The following INSC variants were observed in gnomAD, a reference collection of about 807,000 sequenced individuals.
The protein encoded by INSC is INSC spindle orientation adaptor protein.
INSC carries 67 observed loss-of-function variants against 58.6 expected under a neutral mutation model. The ratio of observed to expected loss-of-function variants is 1.14; its 90% CI spans 0.94 to 1.40. The LOEUF is 1.40. Among genes scored for constraint, INSC ranks in the 40% most tolerant of loss-of-function variants. The probability of loss-of-function intolerance (pLI) is 0.00; values close to 1 mark genes in which losing one functional copy is unlikely to be tolerated. For missense variants in INSC, 714 were observed against 692.0 expected (o/e 1.03, Z -0.36); for synonymous variants, 262 against 276.1 (o/e 0.95, Z 0.51).
Position 15,168,479 on chromosome 11 carries a change from A to T in INSC, c.57-7262A>T, listed in dbSNP as rs1475452727. ...GGTGCTCAATGCATGGGATATGCTC[A>T]ATAAATTCCAGTCATTATTATATTT... is the stretch of plus-strand genomic sequence containing the variant. On this transcript the variant is annotated intron_variant, in intron 2 of 12. Transcript: ENST00000379556. Among the ~76,000 whole-genome samples the T allele has an allele frequency of 2.5e-4, 38 of 152,318 alleles. 1 individual carries two copies. The highest frequency in any genetic ancestry group is 2.5e-3 in the Admixed American group (38 of 15,306).
chr11:15,192,234 G>A (rs886320666), intron 6 of INSC, among the ~76,000 whole-genome samples: 3 of 152,208 alleles, frequency 2.0e-5, no homozygotes, highest in African/African-American at 7.2e-5. Flanking sequence ...GCCATGGGCT[G>A]GGGTGGTTGT....
chr11:15,162,995 C>T (rs1433846088), intron 2 of INSC, among the ~76,000 whole-genome samples: 1 of 152,214 alleles, frequency 6.6e-6, no homozygotes, highest in East Asian at 1.9e-4. Flanking sequence ...TCTTCACTCT[C>T]TCTCATTCAT....
upstream of INSC, chr11:15,112,606 G>GTA (rs1488899320): frequency 3.0e-6 from 2 of 662,226 alleles, no homozygotes; most frequent in Admixed American, 4.6e-5. Flanking sequence ...GTGTGTGTGT[G>GTA]TGTGTGTGTG....
intron 2 of INSC, among the ~76,000 whole-genome samples, chr11:15,154,087 ATTTATGTATATGTCATC>A (rs991207656): frequency 6.6e-5 from 10 of 152,324 alleles, no homozygotes; most frequent in African/African-American, 2.4e-4. Flanking sequence ...GCCAATAACA[ATTTATGTATATGTCATC>A]TTTTCTGCTC....
intron 7 of INSC, among the ~76,000 whole-genome samples, chr11:15,203,183 C>T (rs1850662869): frequency 6.6e-6 from 1 of 151,136 alleles, no homozygotes; most frequent in African/African-American, 2.4e-5. Flanking sequence ...CATAGTACAG[C>T]ACCCCTGTGT....
intron 11 of INSC, 43 bp from the exon 12 acceptor site, chr11:15,240,404 G>C (rs953549199): frequency 6.4e-7 from 1 of 1,558,876 alleles, no homozygotes; most frequent in Non-Finnish European, 8.8e-7. Context: ...AGGCCTGGCT[G>C]GGCCCTGTCC....
chr11:15,268,639 A>C, the INSC span, among the ~76,000 whole-genome samples: 3 of 152,226 alleles, frequency 2.0e-5, no homozygotes, highest in African/African-American at 7.2e-5. Flanking sequence ...TGGAAGAAAC[A>C]ATGCTGCTGA....
intron 9 of INSC, among the ~76,000 whole-genome samples, chr11:15,233,044 C>T (rs551363285): frequency 6.6e-6 from 1 of 152,160 alleles, no homozygotes; most frequent in Non-Finnish European, 1.5e-5. Context: ...AATGAATACA[C>T]CAAGCCACAG....
At chr11:15,115,103 G>A in intron 1 of INSC, 100 bp downstream of exon 1, 2 of 777,036 alleles carry the variant, frequency 2.6e-6, no homozygotes, top group Non-Finnish European at 3.1e-6. Flanking sequence ...GATAGTAGGT[G>A]TAAGTGTGTC....
intron 7 of INSC, among the ~76,000 whole-genome samples, chr11:15,204,799 G>A (rs973493693): frequency 1.3e-5 from 2 of 152,188 alleles, no homozygotes; most frequent in African/African-American, 2.4e-5. Flanking sequence ...ACTGAGGTTC[G>A]CTTAATTAAT....
At chr11:15,121,074 G>A (rs1473368502) in intron 1 of INSC, among the ~76,000 whole-genome samples, 3 of 150,980 alleles carry the variant, frequency 2.0e-5, no homozygotes, top group Admixed American at 2.0e-4. Flanking sequence ...CATTGAAAAT[G>A]TTTATGTTTC....
rs752692735 is a variant in INSC at position 15,240,455 on chromosome 11, C to T, written c.1402C>T (p.Arg468Cys). The change falls in exon 12 of 13, where the codon CGT becomes TGT. Residue 468 changes from arginine (R) to cysteine (C), a missense_variant. Transcript: ENST00000379556. Reference sequence around the variant, plus strand: ...CCCTGTGTCTCCTACAGGCATGTCCCGTCTCATCGAGCTCTGCAGATCCCC... The same window carrying T: ...CCCTGTGTCTCCTACAGGCATGTCCTGTCTCATCGAGCTCTGCAGATCCCC... Reference protein sequence around the residue: ...REAVRLSCMSRLIELCRSPSE... With the variant: ...REAVRLSCMSCLIELCRSPSE... 3.0e-5 allele frequency: 48 copies of T among 1,613,690 alleles called. No homozygotes were observed. In the South Asian group the frequency reaches 3.3e-4, roughly 11 times the overall value.
At position 15,239,072 on chromosome 11, in the gene INSC, G is replaced by C. The variant is rs1852242267; in HGVS notation, c.1391G>C (p.Ser464Thr). 1 of 1,610,368 alleles carries C rather than the reference G, an allele frequency of 6.2e-7. No individual in the cohort carries two copies. Among genetic ancestry groups the C allele is most frequent in the Admixed American group, 1.7e-5 (1 of 59,894 alleles). ...GTGGCACGGGAGGCCGTGCGGCTCA[G>C]CTGTGAGTGGTGCTTTCTGGCTGTG... ...PDVAREAVRLSCMSRLIELCR... is the reference protein window; with the variant it reads ...PDVAREAVRLTCMSRLIELCR... Residue 464 changes from serine to threonine, a missense_variant and splice_region_variant, in exon 11 of 13, where the codon AGC becomes ACC. Transcript: ENST00000379556.
chr11:15,235,182 T>C lies in INSC; in HGVS notation c.1171-420T>C, dbSNP rs1048388044. ...TTAGTATCCAGGAAAGAAGCTTGGA[T>C]GGAAGAAGTCAATCCAGAGTAAGAG... On this transcript the variant is annotated intron_variant, in intron 9 of 12. Transcript: ENST00000379556. 4 of 232,620 alleles carry C rather than the reference T, an allele frequency of 1.7e-5. No individual in the cohort carries two copies. The Admixed American group carries it at 1.9e-4, about 11-fold the overall frequency. The allele number at this position is 232,620 out of a possible 1,614,324, so 14.4% of individuals were successfully genotyped here. A position where few individuals can be genotyped will look rare whatever the true frequency, so the allele number is the denominator to read the frequency against.
intron 1 of INSC, among the ~76,000 whole-genome samples, chr11:15,122,555 T>C (rs1053058640): frequency 6.6e-6 from 1 of 152,206 alleles, no homozygotes; most frequent in South Asian, 2.1e-4. Flanking sequence ...TCTTCAGGTA[T>C]TTTAGATTTC....
At chr11:15,136,254 A>T (rs917048353) in intron 1 of INSC, among the ~76,000 whole-genome samples, 3 of 152,258 alleles carry the variant, frequency 2.0e-5, no homozygotes, top group African/African-American at 7.2e-5. Context: ...ATAATTAAAA[A>T]TACTTTATTG....
chr11:15,232,417 C>T (rs960833860), intron 9 of INSC, among the ~76,000 whole-genome samples: 11 of 152,070 alleles, frequency 7.2e-5, no homozygotes, highest in African/African-American at 2.7e-4. Context: ...TAAAAGATAC[C>T]TTTTATTTAT....
At chr11:15,239,421 T>C (rs1019378463) in intron 11 of INSC, among the ~76,000 whole-genome samples, 1 of 152,206 alleles carries the variant, frequency 6.6e-6, no homozygotes, top group Non-Finnish European at 1.5e-5. Flanking sequence ...ACTTGTTCAT[T>C]TACTCATTAA....
intron 7 of INSC, among the ~76,000 whole-genome samples, chr11:15,216,441 C>A (rs12363293): frequency 0.021 from 3,143 of 152,208 alleles, 62 homozygotes; most frequent in Non-Finnish European, 0.033. Context: ...TGTTGCTGTG[C>A]GTCTTTGTGT....
Sources: allele counts gnomAD v4.1 joint callset (sites outside exome capture counted in the v4.1 genomes callset), GRCh38; gene constraint gnomAD v4.1.1; transcripts MANE v1.5; gene names NCBI Gene and HGNC (gene_info 2026-07-23, HGNC 2026-07-21).